RAP1GAP2: variants seen among roughly 807,000 people sequenced by gnomAD.
The protein encoded by RAP1GAP2 is rap1 GTPase-activating protein 2.
Under a neutral mutation model 95.0 loss-of-function variants are expected in RAP1GAP2, and 27 were observed. That is an observed-to-expected ratio of 0.28 (90% CI 0.21 to 0.39). RAP1GAP2 has a LOEUF of 0.39. Among genes scored for constraint, RAP1GAP2 ranks in the 10% least tolerant of loss-of-function variants. The pLI is 1.00. For synonymous variants in RAP1GAP2, 373 were observed against 380.9 expected (o/e 0.98, Z 0.24); for missense variants, 771 against 970.0 (o/e 0.79, Z 2.72).
chr17:2,848,567 T>C (rs1292238591), intron 2 of RAP1GAP2, among the ~76,000 whole-genome samples: 6 of 151,394 alleles, frequency 4.0e-5, no homozygotes, highest in Non-Finnish European at 2.9e-5. Context: ...CAGGCTGGAG[T>C]GCAGTGGCAC....
At position 2,825,983 on chromosome 17, in the gene RAP1GAP2, GTTTT is replaced by G. The variant is rs10605718; in HGVS notation, c.80+25445_80+25448del. 1.1e-4 allele frequency among the ~76,000 whole-genome samples: 14 copies of G among 127,590 alleles called. No individual in the cohort carries two copies. Among genetic ancestry groups the G allele is most frequent in the African/African-American group, 1.2e-4 (4 of 32,020 alleles). The allele number at this position is 127,590 out of a possible 152,430, so 83.7% of individuals were successfully genotyped here. On this transcript the variant is annotated intron_variant, in intron 2 of 24. Coordinates refer to ENST00000254695, the MANE Select transcript of RAP1GAP2 (RefSeq NM_015085.5). The surrounding 1 kb of genome is among the most constrained non-coding windows in gnomAD (Gnocchi z 4.1). Reference sequence around the variant, plus strand: ...TTTTCTTTTTTCTTTCTTTCTTTCTGTTTTTTTTTTTTTTTGAGACGGAGTCTTG... The same window carrying G: ...TTTTCTTTTTTCTTTCTTTCTTTCTGTTTTTTTTTTTGAGACGGAGTCTTG...
intron 17 of RAP1GAP2, among the ~76,000 whole-genome samples, chr17:3,011,352 G>A (rs1328406884): frequency 6.6e-6 from 1 of 152,210 alleles, no homozygotes; most frequent in Admixed American, 6.5e-5. Context: ...AGGCTCAGCC[G>A]AATGGAGCCC....
At chr17:2,818,767 G>A (rs1321243222) in intron 2 of RAP1GAP2, among the ~76,000 whole-genome samples, 5 of 152,180 alleles carry the variant, frequency 3.3e-5, no homozygotes, top group South Asian at 2.1e-4. Flanking sequence ...GATTGCCTGG[G>A]TTCAGATCTT....
intron 14 of RAP1GAP2, 21 bp downstream of exon 14, chr17:2,998,397 G>A: frequency 6.2e-7 from 1 of 1,612,122 alleles, no homozygotes; most frequent in Non-Finnish European, 8.5e-7. Context: ...CGCCTTGTTG[G>A]AGGGAGTGGT....
At position 2,916,915 on chromosome 17, in the gene RAP1GAP2, C is replaced by T. The variant is rs145146939; in HGVS notation, c.165+11547C>T. ...CCAAGCTGGAGGCCCCAGAGCGGAG[C>T]CACGCTTCCTCAAGTTTGCTAATAG... On this transcript the variant is annotated intron_variant, in intron 3 of 24. Coordinates refer to ENST00000254695, the MANE Select transcript of RAP1GAP2 (RefSeq NM_015085.5). Among the ~76,000 whole-genome samples the T allele has an allele frequency of 3.9e-5, 6 of 152,344 alleles. No homozygotes were observed. The East Asian group carries it at 1.2e-3, about 29-fold the overall frequency.
At chr17:2,760,384 A>G (rs1057182757) in intron 1 of RAP1GAP2, among the ~76,000 whole-genome samples, 2 of 148,434 alleles carry the variant, frequency 1.3e-5, no homozygotes, top group East Asian at 2.2e-4. Flanking sequence ...TCTGTCGCCC[A>G]GGGTGGAGTG....
At chr17:2,769,352 G>A (rs2068344284) in intron 1 of RAP1GAP2, among the ~76,000 whole-genome samples, 2 of 146,082 alleles carry the variant, frequency 1.4e-5, no homozygotes, top group Admixed American at 7.0e-5. Context: ...TCAGGAGATC[G>A]AGACCATCCT....
intron 3 of RAP1GAP2, among the ~76,000 whole-genome samples, chr17:2,942,684 TTAA>T (rs1227004147): frequency 6.6e-6 from 1 of 152,192 alleles, no homozygotes; most frequent in Non-Finnish European, 1.5e-5. Context: ...TAACATAAAA[TTAA>T]TGATCTTAAA....
chr17:2,897,548 T>TG lies in RAP1GAP2; in HGVS notation c.81-7732dup, dbSNP rs1484672004. ...CTAATTTTTGTATTTTGAGTAGAGATGGGGTTTCACCATGTTGGCCAGGCT... is the reference window on the plus strand; with the variant it reads ...CTAATTTTTGTATTTTGAGTAGAGATGGGGGTTTCACCATGTTGGCCAGGCT... On this transcript the variant is annotated intron_variant, in intron 2 of 24. Transcript: ENST00000254695. Among the ~76,000 whole-genome samples, 10 of 151,924 alleles carry TG rather than the reference T, an allele frequency of 6.6e-5. No individual in the cohort carries two copies. The South Asian group carries it at 2.1e-3, about 32-fold the overall frequency.
chr17:2,980,366 G>C lies in RAP1GAP2; in HGVS notation c.675+1G>C. The C allele has an allele frequency of 6.2e-7, 1 of 1,613,838 alleles. No individual in the cohort carries two copies. Among genetic ancestry groups the C allele is most frequent in the Non-Finnish European group, 8.5e-7 (1 of 1,179,802 alleles). ...TCCCAGTGTCCCTCAGATTGCAAAG[G>C]TGAGAAACCAACCCGTGAGAGATGG... On this transcript the variant is annotated splice_donor_variant, in intron 9 of 24. Transcript: ENST00000254695. LOFTEE classifies it high-confidence loss of function.
At position 2,797,651 on chromosome 17, in the gene RAP1GAP2, C is replaced by T. The variant is rs113315111; in HGVS notation, c.44+1080C>T. ...TCAAAAGCACTTTGCCATCCATCCT[C>T]TGGCAGGGGGGGACTGTGGGCACTC... On this transcript the variant is annotated intron_variant, in intron 1 of 24. Transcript: ENST00000254695. The surrounding 1 kb of genome is among the most constrained non-coding windows in gnomAD (Gnocchi z 5.6). 21,414 of 974,706 alleles carry T rather than the reference C, an allele frequency of 0.022. 258 individuals are homozygous for T. The highest frequency in any genetic ancestry group is 0.024 in the Non-Finnish European group (19,407 of 820,262). The allele number at this position is 974,706 out of a possible 1,614,324, so 60.4% of individuals were successfully genotyped here.
chr17:2,945,371 A>G (rs926356887), intron 3 of RAP1GAP2, among the ~76,000 whole-genome samples: 12 of 152,144 alleles, frequency 7.9e-5, no homozygotes, highest in Non-Finnish European at 1.5e-4. Flanking sequence ...CAGCTCTAGT[A>G]GATTTTGTGC....
At chr17:2,806,409 T>A (rs866155189) in intron 2 of RAP1GAP2, among the ~76,000 whole-genome samples, 1 of 60,520 alleles carries the variant, frequency 1.7e-5, no homozygotes. Context: ...TATTATTATT[T>A]TGAGAGGGAG....
chr17:2,794,259 T>G (rs2069007201), upstream of RAP1GAP2, among the ~76,000 whole-genome samples: 2 of 152,152 alleles, frequency 1.3e-5, no homozygotes, highest in African/African-American at 4.8e-5. Context: ...CTTGTTGGGT[T>G]TACTTAGGTC....
intron 19 of RAP1GAP2, among the ~76,000 whole-genome samples, chr17:3,021,028 G>A (rs1416160758): frequency 6.6e-6 from 1 of 152,000 alleles, no homozygotes; most frequent in African/African-American, 2.4e-5. Flanking sequence ...CCTGTTCTTG[G>A]TAATTGTCTT....
chr17:2,896,059 C>A (rs1041289354), intron 2 of RAP1GAP2, among the ~76,000 whole-genome samples: 1 of 152,086 alleles, frequency 6.6e-6, no homozygotes. Flanking sequence ...CTAGATCAGC[C>A]GTTGCCTCCT....
At chr17:2,860,846 T>A (rs1348956441) in intron 2 of RAP1GAP2, among the ~76,000 whole-genome samples, 1 of 151,998 alleles carries the variant, frequency 6.6e-6, no homozygotes, top group Non-Finnish European at 1.5e-5. Context: ...CCTCAAGTGA[T>A]CCTCCTACCT....
chr17:2,809,119 C>T (rs1228537819), intron 2 of RAP1GAP2, among the ~76,000 whole-genome samples: 1 of 152,218 alleles, frequency 6.6e-6, no homozygotes, highest in Non-Finnish European at 1.5e-5. Context: ...TCCTGGCCCT[C>T]CTCCTGGCCA....
At chr17:2,962,756 AG>A (rs1427072014) in intron 5 of RAP1GAP2, 42 bp downstream of exon 5, 3 of 1,537,036 alleles carry the variant, frequency 2.0e-6, no homozygotes, top group East Asian at 4.6e-5. Flanking sequence ...GGCCCTGGTG[AG>A]GGGCTAGGGC....
Sources: allele counts gnomAD v4.1 joint callset (sites outside exome capture counted in the v4.1 genomes callset), GRCh38; gene constraint gnomAD v4.1.1; non-coding constraint Gnocchi (gnomAD v3.1); transcripts MANE v1.5; gene names NCBI Gene and HGNC (gene_info 2026-07-23, HGNC 2026-07-21).